LINGO2: variants seen among roughly 807,000 people sequenced by gnomAD.
The protein encoded by LINGO2 is leucine rich repeat and Ig domain containing 2.
LINGO2 carries 14 observed loss-of-function variants against 30.6 expected under a neutral mutation model. That is an observed-to-expected ratio of 0.46 (90% CI 0.30 to 0.72). LINGO2 has a LOEUF of 0.72. LINGO2 is among the 30% of genes least tolerant of loss of function. LINGO2 has a pLI of 0.07. For missense variants in LINGO2, 729 were observed against 751.7 expected (o/e 0.97, Z 0.35); for synonymous variants, 317 against 288.5 (o/e 1.10, Z -1.00).
At chr9:28,375,107 C>A (rs370191851) in intron 2 of LINGO2, among the ~76,000 whole-genome samples, 11 of 52,534 alleles carry the variant, frequency 2.1e-4, no homozygotes, top group African/African-American at 4.5e-4. Context: ...CACACACACA[C>A]ACACACACAC....
rs118157539 is a variant in LINGO2, at chr9:28,435,721, C to T, written c.-279+40219G>A. On this transcript the variant is annotated intron_variant, in intron 2 of 5. Transcript: ENST00000379992. ...CTGGTTTTGTGTATCAAGTAGCTCT[C>T]TCCTTGGAGAATGAGTATCAGACTA... Among the ~76,000 whole-genome samples the T allele has an allele frequency of 5.6e-3, 847 of 152,272 alleles. 6 individuals carry two copies. Among genetic ancestry groups the T allele is most frequent in the South Asian group, 0.013 (62 of 4,822 alleles).
chr9:28,664,114 T>C (rs1292523261), intron 1 of LINGO2, among the ~76,000 whole-genome samples: 1 of 152,132 alleles, frequency 6.6e-6, no homozygotes, highest in Admixed American at 6.6e-5. Context: ...GATGGTATTA[T>C]AAGTTGGTTT....
chr9:28,896,134 G>A, the LINGO2 span, among the ~76,000 whole-genome samples: 1 of 152,128 alleles, frequency 6.6e-6, no homozygotes, highest in Non-Finnish European at 1.5e-5. Context: ...ATAGAGGACA[G>A]GCTGAAAAGT....
the LINGO2 span, among the ~76,000 whole-genome samples, chr9:28,740,038 T>C: frequency 6.6e-6 from 1 of 151,646 alleles, no homozygotes; most frequent in South Asian, 2.1e-4. Context: ...GTTTAATTTC[T>C]ATATATGTGT....
intron 4 of LINGO2, among the ~76,000 whole-genome samples, chr9:28,125,000 G>A (rs747072643): frequency 4.6e-5 from 7 of 152,148 alleles, no homozygotes; most frequent in Non-Finnish European, 1.0e-4. Flanking sequence ...ATAGAAAGAA[G>A]GTTGGCAACC....
the LINGO2 span, among the ~76,000 whole-genome samples, chr9:28,869,604 G>T: frequency 2.0e-5 from 3 of 152,100 alleles, no homozygotes; most frequent in East Asian, 5.8e-4. Context: ...AAGTCCAGTG[G>T]TTTGAACTGT....
chr9:28,730,507 T>C, the LINGO2 span, among the ~76,000 whole-genome samples: 61 of 152,244 alleles, frequency 4.0e-4, no homozygotes, highest in Middle Eastern at 3.4e-3. Context: ...TCTAAAAGGA[T>C]GAGAAGCAAA....
the LINGO2 span, among the ~76,000 whole-genome samples, chr9:29,043,846 C>G: frequency 0.014 from 2,066 of 152,076 alleles, 23 homozygotes; most frequent in Non-Finnish European, 0.024. Flanking sequence ...CTGGAAAGAA[C>G]CTCATTCATC....
intron 1 of LINGO2, among the ~76,000 whole-genome samples, chr9:28,544,853 G>C (rs186030957): frequency 3.3e-5 from 5 of 150,840 alleles, no homozygotes; most frequent in Admixed American, 2.6e-4. Context: ...GGAATTCCAT[G>C]GGTCTCTTGT....
rs1372377324 is a variant in LINGO2 at position 28,588,950 on chromosome 9, C to T, written c.-365+81250G>A. Among the ~76,000 whole-genome samples, 3 of 152,054 alleles carry T rather than the reference C, an allele frequency of 2.0e-5. No homozygotes were observed. In the East Asian group the frequency reaches 5.8e-4, roughly 29 times the overall value. On this transcript the variant is annotated intron_variant, in intron 1 of 5. Coordinates refer to ENST00000379992, the Ensembl canonical transcript of LINGO2. ...CATGCCAGTGCTTCAAAGTAAGAGG[C>T]AGTTTGGGCTGCCAATGAGTCTTAA...
chr9:29,071,169 G>A, the LINGO2 span, among the ~76,000 whole-genome samples: 1 of 114,888 alleles, frequency 8.7e-6, no homozygotes, highest in Non-Finnish European at 1.8e-5. Flanking sequence ...GTATTGTATT[G>A]TATTGTATTG....
At chr9:28,084,865 A>G (rs1045792861) in intron 4 of LINGO2, among the ~76,000 whole-genome samples, 3 of 152,178 alleles carry the variant, frequency 2.0e-5, no homozygotes, top group African/African-American at 7.2e-5. Flanking sequence ...GCCAGGAGTT[A>G]TGATGGATTT....
At chr9:29,125,105 T>C in the LINGO2 span, among the ~76,000 whole-genome samples, 2 of 152,196 alleles carry the variant, frequency 1.3e-5, no homozygotes, top group African/African-American at 4.8e-5. Context: ...TTCATGTCTT[T>C]ACAGGGACAT....
the LINGO2 span, among the ~76,000 whole-genome samples, chr9:29,007,851 G>C: frequency 0.38 from 58,394 of 151,888 alleles, 11,472 homozygotes; most frequent in East Asian, 0.5. Context: ...AATTTCTTAA[G>C]AGTTAAGGGC....
intron 4 of LINGO2, among the ~76,000 whole-genome samples, chr9:28,269,472 A>G (rs2134081612): frequency 6.6e-6 from 1 of 152,260 alleles, no homozygotes; most frequent in South Asian, 2.1e-4. Flanking sequence ...ATTATAAACG[A>G]TAACACAAAT....
At chr9:29,182,847 C>T in the LINGO2 span, among the ~76,000 whole-genome samples, 2 of 151,980 alleles carry the variant, frequency 1.3e-5, no homozygotes, top group African/African-American at 4.8e-5. Flanking sequence ...TAAATCATTC[C>T]TTCAAGGAAG....
intron 1 of LINGO2, among the ~76,000 whole-genome samples, chr9:28,588,138 C>A (rs546156314): frequency 6.6e-6 from 1 of 152,040 alleles, no homozygotes; most frequent in South Asian, 2.1e-4. Context: ...GTGACTTGTC[C>A]AAAATAAACT....
At chr9:28,952,787 C>T in the LINGO2 span, among the ~76,000 whole-genome samples, 1 of 152,118 alleles carries the variant, frequency 6.6e-6, no homozygotes, top group Non-Finnish European at 1.5e-5. Flanking sequence ...AGAAGTGCCA[C>T]CAAGCTGAGC....
At chr9:29,150,419 C>T in the LINGO2 span, among the ~76,000 whole-genome samples, 1 of 152,118 alleles carries the variant, frequency 6.6e-6, no homozygotes, top group Non-Finnish European at 1.5e-5. Context: ...TGGTTCTTAA[C>T]CAGTTTGAAA....
Sources: gnomAD v4.1 joint callset for allele counts (sites outside exome capture counted in the v4.1 genomes callset) on GRCh38, gnomAD v4.1.1 for gene constraint, MANE v1.5 for transcripts, NCBI Gene and HGNC (gene_info 2026-07-23, HGNC 2026-07-21) for gene names.